The following BBX variants were observed in gnomAD, a reference collection of about 807,000 sequenced individuals.
BBX encodes the protein HMG box transcription factor BBX.
BBX carries 30 observed loss-of-function variants against 100.2 expected under a neutral mutation model. The ratio of observed to expected loss-of-function variants is 0.30; its 90% CI spans 0.22 to 0.41. BBX has a LOEUF of 0.41. BBX is among the 10% of genes least tolerant of loss of function. The pLI is 1.00. For missense variants in BBX, 1,023 were observed against 1,129.8 expected, an observed-to-expected ratio of 0.91 and a Z score of 1.35; for synonymous variants, 376 against 388.1, an observed-to-expected ratio of 0.97 and a Z score of 0.37.
intron 2 of BBX, among the ~76,000 whole-genome samples, chr3:107,571,267 G>A (rs1477762438): frequency 6.6e-6 from 1 of 152,102 alleles, no homozygotes; most frequent in Non-Finnish European, 1.5e-5. Context: ...CAATTGACTT[G>A]TCACCAAGGG....
intron 2 of BBX, among the ~76,000 whole-genome samples, chr3:107,551,108 A>T (rs189900321): frequency 3.9e-5 from 6 of 152,362 alleles, no homozygotes; most frequent in Admixed American, 1.3e-4. Flanking sequence ...TATTATATCA[A>T]CAGGTAATTT....
chr3:107,608,383 G>A (rs941338464), intron 2 of BBX, among the ~76,000 whole-genome samples: 2 of 152,110 alleles, frequency 1.3e-5, no homozygotes, highest in Non-Finnish European at 2.9e-5. Flanking sequence ...CACCATAGAT[G>A]TATGGATTTG....
chr3:107,666,613 T>G (rs575139003), intron 3 of BBX, among the ~76,000 whole-genome samples: 24 of 152,240 alleles, frequency 1.6e-4, no homozygotes, highest in Non-Finnish European at 2.9e-4. Context: ...ATTGGCAGAC[T>G]GGAGTGCAGT....
chr3:107,743,346 G>A (rs1196662016), intron 7 of BBX, among the ~76,000 whole-genome samples: 2 of 152,028 alleles, frequency 1.3e-5, no homozygotes, highest in South Asian at 2.1e-4. Context: ...TTGTGGCTAC[G>A]AATTTCAGGA....
chr3:107,548,543 A>C (rs2049412049), intron 2 of BBX, among the ~76,000 whole-genome samples: 1 of 152,192 alleles, frequency 6.6e-6, no homozygotes, highest in Non-Finnish European at 1.5e-5. Flanking sequence ...ACAAAGCAGA[A>C]TATTATTTAA....
chr3:107,601,224 T>C (rs1205103599), intron 2 of BBX, among the ~76,000 whole-genome samples: 1 of 152,156 alleles, frequency 6.6e-6, no homozygotes, highest in African/African-American at 2.4e-5. Context: ...GGCCTCCCGA[T>C]TGTCTCCAAC....
chr3:107,746,684 G>T (rs1333149491), intron 8 of BBX, among the ~76,000 whole-genome samples: 2 of 151,400 alleles, frequency 1.3e-5, no homozygotes, highest in African/African-American at 4.9e-5. Context: ...TAAACTCCTG[G>T]GCTCAAGTGC....
chr3:107,631,053 T>A (rs623186), intron 2 of BBX, among the ~76,000 whole-genome samples: 2,016 of 152,274 alleles, frequency 0.013, 49 homozygotes, highest in African/African-American at 0.046. Context: ...CTGCTCAAAC[T>A]TTTTCTGATT....
chr3:107,647,558 A>G (rs1367005939), intron 3 of BBX, among the ~76,000 whole-genome samples: 1 of 152,212 alleles, frequency 6.6e-6, no homozygotes, highest in African/African-American at 2.4e-5. Flanking sequence ...TAGCTGACCT[A>G]TATGCTTGTC....
Position 107,773,240 on chromosome 3 carries a change from C to T in BBX, c.1519C>T (p.Pro507Ser). ...GGGCATAGAGAAACTTGGAGATACC[C>T]CTCGCAAGAAGGTCCGCACATCCTC... The part of the protein sequence containing the change: ...DWGIEKLGDT[P>S]RKKVRTSSSG... Residue 507 changes from proline to serine, a missense_variant, in exon 11 of 18, where the codon CCT (proline) becomes TCT (serine). By Grantham distance (74) the Pro-to-Ser change is moderately conservative. Transcript: ENST00000325805. This position sits in a 1 kb window ranked among gnomAD's most constrained non-coding sequence, Gnocchi z 4.1. The T allele has an allele frequency of 6.2e-7, 1 of 1,613,960 alleles. No homozygotes were observed. The highest frequency in any genetic ancestry group is 8.5e-7 in the Non-Finnish European group (1 of 1,179,978).
intron 3 of BBX, among the ~76,000 whole-genome samples, chr3:107,676,095 GA>G (rs1266073392): frequency 6.6e-6 from 1 of 152,020 alleles, no homozygotes; most frequent in African/African-American, 2.4e-5. Context: ...GTGGGAATCT[GA>G]AAATATCTAG....
intron 2 of BBX, among the ~76,000 whole-genome samples, chr3:107,611,261 A>C (rs866948210): frequency 1.3e-5 from 2 of 152,146 alleles, no homozygotes; most frequent in African/African-American, 2.4e-5. Context: ...ACTTAAGATC[A>C]GTGTCTTTAT....
chr3:107,799,466 G>A (rs1048694646), intron 16 of BBX, among the ~76,000 whole-genome samples: 1 of 152,092 alleles, frequency 6.6e-6, no homozygotes, highest in African/African-American at 2.4e-5. Flanking sequence ...TCCTAGAAAA[G>A]AAAGGTAGTT....
intron 2 of BBX, among the ~76,000 whole-genome samples, chr3:107,605,916 C>T (rs2054401575): frequency 6.6e-6 from 1 of 152,120 alleles, no homozygotes; most frequent in African/African-American, 2.4e-5. Flanking sequence ...TTCTTGTCCC[C>T]AAGCTTTGCT....
chr3:107,743,908 T>C (rs1359516567), intron 7 of BBX, among the ~76,000 whole-genome samples: 3 of 148,120 alleles, frequency 2.0e-5, no homozygotes, highest in Non-Finnish European at 4.5e-5. Context: ...TTTTCTTCTT[T>C]GTTTTAGTGG....
intron 13 of BBX, among the ~76,000 whole-genome samples, chr3:107,783,175 T>C (rs2068073316): frequency 6.6e-6 from 1 of 152,158 alleles, no homozygotes. Flanking sequence ...TTTTCACTTC[T>C]TGACTCTAAA....
intron 3 of BBX, among the ~76,000 whole-genome samples, chr3:107,682,242 T>C (rs2059609303): frequency 6.6e-6 from 1 of 152,148 alleles, no homozygotes; most frequent in African/African-American, 2.4e-5. Flanking sequence ...TAATAGTTTT[T>C]CCAGTGTTAT....
chr3:107,640,788 A>G (rs551959740), intron 2 of BBX, among the ~76,000 whole-genome samples: 1 of 152,012 alleles, frequency 6.6e-6, no homozygotes, highest in Non-Finnish European at 1.5e-5. Context: ...CAGCCTCCCA[A>G]GTAGCTGGGA....
chr3:107,670,039 T>G (rs995302912), intron 3 of BBX, among the ~76,000 whole-genome samples: 14 of 152,142 alleles, frequency 9.2e-5, no homozygotes, highest in African/African-American at 3.4e-4. Context: ...ATATATATTC[T>G]TTCATGTATA....
Sources: allele counts gnomAD v4.1 joint callset (sites outside exome capture counted in the v4.1 genomes callset), GRCh38; gene constraint gnomAD v4.1.1; non-coding constraint Gnocchi (gnomAD v3.1); transcripts MANE v1.5; gene names NCBI Gene and HGNC (gene_info 2026-07-23, HGNC 2026-07-21).